TMC1: variants seen among roughly 807,000 people sequenced by gnomAD.
TMC1 encodes transmembrane channel like 1, also known as transmembrane channel-like protein 1.
Under a neutral mutation model 105.8 loss-of-function variants are expected in TMC1, and 84 were observed. That is an observed-to-expected ratio of 0.79 (90% CI 0.67 to 0.95). TMC1 has a LOEUF of 0.95. Ranked by LOEUF, TMC1 falls within the 40% of genes least tolerant of loss-of-function variation. The pLI is 0.00. For missense variants in TMC1, 817 were observed against 914.1 expected (o/e 0.89, Z 1.37); for synonymous variants, 315 against 311.5 (o/e 1.01, Z -0.12).
intron 13 of TMC1, among the ~76,000 whole-genome samples, chr9:72,776,178 C>T (rs945896726): frequency 1.3e-5 from 2 of 151,988 alleles, no homozygotes; most frequent in African/African-American, 2.4e-5. Flanking sequence ...ATACTTAAAT[C>T]ATGTGCTATA....
chr9:72,593,732 G>A (rs1000032673), intron 2 of TMC1, among the ~76,000 whole-genome samples: 1 of 151,806 alleles, frequency 6.6e-6, no homozygotes, highest in African/African-American at 2.4e-5. Context: ...AAAAGAAGAA[G>A]AAGAAGGAAA....
intron 8 of TMC1, among the ~76,000 whole-genome samples, chr9:72,718,604 G>T (rs1472889792): frequency 6.6e-6 from 1 of 152,196 alleles, no homozygotes; most frequent in African/African-American, 2.4e-5. Flanking sequence ...TCCAGTGGAG[G>T]TGGCAGAGGA....
At chr9:72,528,742 T>C (rs1823448140) in intron 1 of TMC1, among the ~76,000 whole-genome samples, 1 of 152,162 alleles carries the variant, frequency 6.6e-6, no homozygotes, top group Non-Finnish European at 1.5e-5. Flanking sequence ...AATGTCCTGC[T>C]CCCACTATTT....
At chr9:72,691,508 C>T (rs1210098642) in intron 6 of TMC1, among the ~76,000 whole-genome samples, 3 of 152,158 alleles carry the variant, frequency 2.0e-5, no homozygotes, top group Admixed American at 2.0e-4. Flanking sequence ...ATTCTTGGGC[C>T]TCTCAAACAT....
In TMC1 at chr9:72,788,448, G is replaced by A; in HGVS notation, c.994G>A (p.Asp332Asn). Residue 332 changes from aspartate to asparagine, a missense_variant, in exon 14 of 24, where the codon GAC (aspartate) becomes AAC (asparagine). By Grantham distance (23) the Asp-to-Asn change is conservative (BLOSUM62 1). Coordinates refer to ENST00000297784, the MANE Select transcript of TMC1 (RefSeq NM_138691.3). ...DYLIGNPETA[D>N]NKFNSITMNF... ...CCTGATCGGCAATCCTGAAACAGCA[G>A]ACAACAAATTTAATTCTATCACAAT... The A allele has an allele frequency of 6.2e-7, 1 of 1,614,022 alleles. No individual in the cohort carries two copies.
At chr9:72,684,706 C>T (rs950198777) in intron 5 of TMC1, among the ~76,000 whole-genome samples, 19 of 152,292 alleles carry the variant, frequency 1.2e-4, no homozygotes, top group African/African-American at 4.1e-4. Flanking sequence ...TGAAATCCAA[C>T]GGATCTGATT....
intron 18 of TMC1, among the ~76,000 whole-genome samples, chr9:72,812,489 A>G (rs1302546111): frequency 6.6e-6 from 1 of 152,228 alleles, no homozygotes; most frequent in Admixed American, 6.5e-5. Flanking sequence ...GTGCTCAATC[A>G]TCCTAGCAGA....
At chr9:72,749,157 C>T (rs1013934532) in intron 10 of TMC1, among the ~76,000 whole-genome samples, 3 of 152,176 alleles carry the variant, frequency 2.0e-5, no homozygotes, top group African/African-American at 4.8e-5. Flanking sequence ...TTGTACCCTA[C>T]ACGCAAGAAA....
intron 5 of TMC1, among the ~76,000 whole-genome samples, chr9:72,665,669 G>C (rs1393829927): frequency 6.6e-6 from 1 of 152,194 alleles, no homozygotes; most frequent in Non-Finnish European, 1.5e-5. Flanking sequence ...CTAGTCAGGA[G>C]ACCTGAATGT....
At chr9:72,568,484 T>C (rs1824208257) in intron 1 of TMC1, among the ~76,000 whole-genome samples, 1 of 152,190 alleles carries the variant, frequency 6.6e-6, no homozygotes, top group Non-Finnish European at 1.5e-5. Flanking sequence ...CAACTCTTTA[T>C]GGGGACTTGC....
chr9:72,817,665 G>T (rs527285997), intron 19 of TMC1, among the ~76,000 whole-genome samples: 1 of 152,260 alleles, frequency 6.6e-6, no homozygotes, highest in South Asian at 2.1e-4. Context: ...ACAACAGATT[G>T]GTCTAGAAAT....
At chr9:72,540,054 G>A (rs12554647) in intron 1 of TMC1, among the ~76,000 whole-genome samples, 2,310 of 152,076 alleles carry the variant, frequency 0.015, 69 homozygotes, top group East Asian at 0.083. Flanking sequence ...AGAGGTACAG[G>A]CTTTTGAGGG....
At chr9:72,666,544 A>G (rs1436117083) in intron 5 of TMC1, among the ~76,000 whole-genome samples, 1 of 152,232 alleles carries the variant, frequency 6.6e-6, no homozygotes, top group Non-Finnish European at 1.5e-5. Context: ...GAAGGAAATT[A>G]CCATCTAATG....
chr9:72,523,883 CA>C (rs1471141397), intron 1 of TMC1, among the ~76,000 whole-genome samples: 1 of 152,088 alleles, frequency 6.6e-6, no homozygotes, highest in Non-Finnish European at 1.5e-5. Context: ...TAAAAGAACT[CA>C]AAGCCGGTAA....
At chr9:72,812,566 C>A (rs1483994289) in intron 18 of TMC1, among the ~76,000 whole-genome samples, 2 of 152,202 alleles carry the variant, frequency 1.3e-5, no homozygotes, top group African/African-American at 2.4e-5. Flanking sequence ...CCCCTGAGGA[C>A]CTGTGAAAAC....
intron 19 of TMC1, among the ~76,000 whole-genome samples, chr9:72,820,399 T>G (rs188238612): frequency 3.3e-5 from 5 of 152,324 alleles, no homozygotes; most frequent in Admixed American, 6.5e-5. Context: ...TTAATGCAAA[T>G]GTACAGTTTT....
intron 1 of TMC1, among the ~76,000 whole-genome samples, chr9:72,558,168 T>C (rs555811332): frequency 1.3e-5 from 2 of 150,764 alleles, no homozygotes; most frequent in East Asian, 1.9e-4. Flanking sequence ...CTTTCTCTCT[T>C]TCTCTCTCTC....
At chr9:72,751,535 CT>C (rs1171656429) in intron 10 of TMC1, among the ~76,000 whole-genome samples, 2 of 152,190 alleles carry the variant, frequency 1.3e-5, no homozygotes, top group Admixed American at 6.5e-5. Flanking sequence ...ATAAAATGCA[CT>C]CTGCAGGTGG....
Position 72,785,587 on chromosome 9 carries a change from T to C in TMC1, c.885-2752T>C, listed in dbSNP as rs1047464765. 3.3e-5 allele frequency among the ~76,000 whole-genome samples: 5 copies of C among 152,316 alleles called. No individual in the cohort carries two copies. In the East Asian group the frequency reaches 9.6e-4, roughly 29 times the overall value. ...GAGTATTACATGAAATAAGGGTTAC[T>C]TGAACCCAAGCATTGCCTTACTGTA... On this transcript the variant is annotated intron_variant, in intron 13 of 23. Coordinates refer to ENST00000297784, the MANE Select transcript of TMC1 (RefSeq NM_138691.3).
Sources: gnomAD v4.1 joint callset for allele counts (sites outside exome capture counted in the v4.1 genomes callset) on GRCh38, gnomAD v4.1.1 for gene constraint, MANE v1.5 for transcripts, NCBI Gene and HGNC (gene_info 2026-07-23, HGNC 2026-07-21) for gene names.